Variants in APTX observed in about 807,000 individuals in gnomAD.
The protein encoded by APTX is forkhead-associated domain histidine triad-like protein.
In APTX, 33 loss-of-function variants were observed where a neutral mutation model predicts 42.3. The ratio of observed to expected loss-of-function variants is 0.78; its 90% CI spans 0.59 to 1.04. The LOEUF is 1.04. Ranked by LOEUF, APTX falls within the 50% of genes least tolerant of loss-of-function variation. APTX has a pLI of 0.00. For synonymous variants in APTX, 130 were observed against 146.7 expected (o/e 0.89, Z 0.82); for missense variants, 421 against 415.1 (o/e 1.01, Z -0.12).
chr9:33,020,401 G>A (rs10971338), intron 1 of APTX, among the ~76,000 whole-genome samples: 10,731 of 152,208 alleles, frequency 0.071, 516 homozygotes, highest in Non-Finnish European at 0.11. Flanking sequence ...TTATATTTGT[G>A]TTTATTTTTC....
chr9:32,982,489 T>G (rs1200177083), intron 6 of APTX, among the ~76,000 whole-genome samples: 2 of 152,228 alleles, frequency 1.3e-5, no homozygotes, highest in African/African-American at 4.8e-5. Context: ...CATACTTAAT[T>G]TTTTATATTT....
intron 1 of APTX, 89 bp downstream of exon 1, chr9:33,001,478 T>C: frequency 6.2e-7 from 1 of 1,601,246 alleles, no homozygotes; most frequent in Non-Finnish European, 8.5e-7. Context: ...TCAAGGCACA[T>C]CACTCAAGGG....
At chr9:32,989,976 G>A (rs945184557) in intron 1 of APTX, 81 bp from the exon 2 acceptor site, 5 of 1,523,034 alleles carry the variant, frequency 3.3e-6, no homozygotes, top group East Asian at 2.4e-5. Context: ...GTGCCACCAC[G>A]CATGTGATCT....
intron 1 of APTX, among the ~76,000 whole-genome samples, chr9:32,999,058 T>C (rs1471810145): frequency 6.6e-6 from 1 of 152,088 alleles, no homozygotes; most frequent in Non-Finnish European, 1.5e-5. Context: ...AGAAAACAAT[T>C]TATCTGTCTT....
chr9:32,989,935 C>T (rs755653396), intron 1 of APTX, 40 bp from the exon 2 acceptor site: 3 of 1,594,306 alleles, frequency 1.9e-6, no homozygotes, highest in Non-Finnish European at 2.6e-6. Flanking sequence ...AAAACAGATC[C>T]ACTAGCACGA....
intron 6 of APTX, among the ~76,000 whole-genome samples, chr9:32,977,291 G>C (rs893441580): frequency 1.3e-5 from 2 of 151,936 alleles, no homozygotes; most frequent in Admixed American, 1.3e-4. Flanking sequence ...TTCAACATTG[G>C]CCTGAGCAAC....
rs777375218 is a variant in APTX at position 32,989,746 on chromosome 9, T to A, written c.133+13A>T. ...ATAACCATAGTAATCTCCACATTTC[T>A]ATGACCAGTTACCTTGCTGTCGAGA... On this transcript the variant is annotated intron_variant, in intron 2 of 7. Coordinates refer to ENST00000379817, the MANE Select transcript of APTX (RefSeq NM_001195248.2). 1 of 1,614,240 alleles carries A rather than the reference T, an allele frequency of 6.2e-7. No homozygotes were observed. The highest frequency in any genetic ancestry group is 1.7e-5 in the Admixed American group (1 of 60,026).
intron 4 of APTX, among the ~76,000 whole-genome samples, chr9:32,986,369 T>C (rs1463085275): frequency 6.6e-6 from 1 of 151,976 alleles, no homozygotes; most frequent in East Asian, 1.9e-4. Context: ...CTAACTTTTG[T>C]ATTTTTTAGT....
chr9:33,001,171 C>T (rs1026952704), intron 1 of APTX, among the ~76,000 whole-genome samples: 3 of 140,200 alleles, frequency 2.1e-5, no homozygotes, highest in African/African-American at 8.0e-5. Context: ...CTGGCATTCC[C>T]TACAAGGCCT....
intron 1 of APTX, among the ~76,000 whole-genome samples, chr9:33,012,025 G>T (rs1318607800): frequency 6.6e-6 from 1 of 152,072 alleles, no homozygotes; most frequent in African/African-American, 2.4e-5. Context: ...AGACAACCCC[G>T]AGACACTCCT....
chr9:33,007,849 C>T (rs79661897), intron 1 of APTX, among the ~76,000 whole-genome samples: 10,677 of 151,984 alleles, frequency 0.07, 510 homozygotes, highest in Non-Finnish European at 0.11. Context: ...GTCTCCCCAA[C>T]GCTCCCCACC....
intron 1 of APTX, among the ~76,000 whole-genome samples, chr9:32,993,699 T>C (rs1164346413): frequency 6.6e-6 from 1 of 151,330 alleles, no homozygotes; most frequent in Non-Finnish European, 1.5e-5. Context: ...ATCCCAATTC[T>C]CTATTTTTCA....
At chr9:33,016,669 T>TC (rs60192650) in intron 1 of APTX, among the ~76,000 whole-genome samples, 28,882 of 147,158 alleles carry the variant, frequency 0.2, 2,960 homozygotes, top group Middle Eastern at 0.27. Flanking sequence ...TGCATTACAC[T>TC]CCCCCCCCCA....
chr9:32,981,640 G>C (rs925321550), intron 6 of APTX, among the ~76,000 whole-genome samples: 1 of 152,112 alleles, frequency 6.6e-6, no homozygotes, highest in Non-Finnish European at 1.5e-5. Flanking sequence ...TGTTGAAGGC[G>C]TATCTAAGTG....
At chr9:33,018,634 C>T (rs568265813) in intron 1 of APTX, among the ~76,000 whole-genome samples, 1 of 149,526 alleles carries the variant, frequency 6.7e-6, no homozygotes, top group African/African-American at 2.5e-5. Context: ...AATCCCAGCA[C>T]TTTGGCAGGC....
At chr9:32,997,790 T>G (rs1056916288) in intron 1 of APTX, among the ~76,000 whole-genome samples, 1 of 152,150 alleles carries the variant, frequency 6.6e-6, no homozygotes, top group Non-Finnish European at 1.5e-5. Flanking sequence ...TTTCAATGGA[T>G]TTTGCAAGCC....
chr9:33,017,872 G>T (rs1467550942), intron 1 of APTX, among the ~76,000 whole-genome samples: 1 of 151,326 alleles, frequency 6.6e-6, no homozygotes, highest in East Asian at 2.0e-4. Context: ...AGGTCATAGT[G>T]TGAGGCTGAA....
intron 1 of APTX, among the ~76,000 whole-genome samples, chr9:33,000,508 A>ACACGACG (rs1353754088): frequency 6.6e-6 from 1 of 151,586 alleles, no homozygotes; most frequent in Non-Finnish European, 1.5e-5. Flanking sequence ...CACGCCTGTA[A>ACACGACG]TCCCAGCTCC....
Position 32,981,423 on chromosome 9 carries a change from T to C in APTX, c.770+3208A>G, listed in dbSNP as rs111739953. Among the ~76,000 whole-genome samples, 1,458 of 148,838 alleles carry C rather than the reference T, an allele frequency of 9.8e-3. 21 individuals carry two copies. Among genetic ancestry groups the C allele is most frequent in the African/African-American group, 0.035 (1,403 of 40,156 alleles). ...AAACACAGAATTATAGGGGTGTGTATGTGTGTGTGTGTGTATGGCTTAGGA... is the reference window on the plus strand; with the variant it reads ...AAACACAGAATTATAGGGGTGTGTACGTGTGTGTGTGTGTATGGCTTAGGA... On this transcript the variant is annotated intron_variant, in intron 6 of 7. Coordinates refer to ENST00000379817, the MANE Select transcript of APTX (RefSeq NM_001195248.2).
Sources: allele counts gnomAD v4.1 joint callset (sites outside exome capture counted in the v4.1 genomes callset), GRCh38; gene constraint gnomAD v4.1.1; transcripts MANE v1.5; gene names NCBI Gene and HGNC (gene_info 2026-07-23, HGNC 2026-07-21).